The following TACR1 variants were observed in gnomAD, a reference collection of about 807,000 sequenced individuals.
TACR1 encodes the protein substance-P receptor.
TACR1 carries 25 observed loss-of-function variants against 35.8 expected under a neutral mutation model. That is an observed-to-expected ratio of 0.70 (90% CI 0.51 to 0.98). The LOEUF (loss-of-function observed/expected upper bound fraction) is 0.98. TACR1 is among the 50% of genes least tolerant of loss of function. TACR1 has a pLI of 0.00. For synonymous variants in TACR1, 195 were observed against 206.7 expected, an observed-to-expected ratio of 0.94 and a Z score of 0.48; for missense variants, 478 against 522.9, an observed-to-expected ratio of 0.91 and a Z score of 0.84.
At chr2:75,186,587 G>T (rs1180730927) in intron 1 of TACR1, among the ~76,000 whole-genome samples, 1 of 151,214 alleles carries the variant, frequency 6.6e-6, no homozygotes, top group African/African-American at 2.4e-5. Context: ...AAACTAAAAT[G>T]TGATCAGAAA....
At chr2:75,180,141 C>A (rs78200736) in intron 1 of TACR1, among the ~76,000 whole-genome samples, 1 of 152,148 alleles carries the variant, frequency 6.6e-6, no homozygotes, top group Non-Finnish European at 1.5e-5. Context: ...TTCAGAAAAG[C>A]CTTCTGTAAT....
chr2:75,056,638 T>C (rs1199718989), intron 2 of TACR1, among the ~76,000 whole-genome samples: 1 of 152,116 alleles, frequency 6.6e-6, no homozygotes, highest in African/African-American at 2.4e-5. Flanking sequence ...ACACCATACC[T>C]GAATACAAAA....
intron 1 of TACR1, among the ~76,000 whole-genome samples, chr2:75,140,132 TCCATTAG>T (rs1323078669): frequency 1.3e-5 from 2 of 152,188 alleles, no homozygotes; most frequent in African/African-American, 4.8e-5. Context: ...CTCACATTCA[TCCATTAG>T]CCTTTGGAAG....
intron 2 of TACR1, among the ~76,000 whole-genome samples, chr2:75,058,068 T>C (rs897350899): frequency 6.6e-6 from 1 of 152,164 alleles, no homozygotes; most frequent in African/African-American, 2.4e-5. Flanking sequence ...TTGGATGAGA[T>C]AAAAGGTTAA....
intron 2 of TACR1, among the ~76,000 whole-genome samples, chr2:75,062,128 A>G (rs1435518942): frequency 1.3e-5 from 2 of 152,152 alleles, no homozygotes; most frequent in Non-Finnish European, 1.5e-5. Context: ...CCCTGTTGAC[A>G]GCGTCCTCCT....
chr2:75,098,993 G>A (rs1213247009), intron 2 of TACR1, among the ~76,000 whole-genome samples: 3 of 149,300 alleles, frequency 2.0e-5, no homozygotes, highest in South Asian at 2.1e-4. Flanking sequence ...CTGCTCCTCC[G>A]TGCCACTTCC....
chr2:75,080,426 T>G (rs1673062751), intron 2 of TACR1, among the ~76,000 whole-genome samples: 1 of 152,230 alleles, frequency 6.6e-6, no homozygotes, highest in South Asian at 2.1e-4. Flanking sequence ...GCTATTTATC[T>G]GGATTTTTTA....
intron 1 of TACR1, among the ~76,000 whole-genome samples, chr2:75,146,376 GC>G (rs1304478967): frequency 1.3e-5 from 2 of 152,126 alleles, no homozygotes; most frequent in Non-Finnish European, 2.9e-5. Context: ...GCCAGCCTTG[GC>G]CCCCCAAAGT....
intron 1 of TACR1, among the ~76,000 whole-genome samples, chr2:75,184,084 G>C (rs1447904040): frequency 1.3e-5 from 2 of 152,080 alleles, no homozygotes; most frequent in African/African-American, 4.8e-5. Flanking sequence ...TTATAGCAAG[G>C]ATGCAAAAAC....
At chr2:75,083,211 G>A (rs1000198299) in intron 2 of TACR1, among the ~76,000 whole-genome samples, 3 of 152,142 alleles carry the variant, frequency 2.0e-5, no homozygotes, top group African/African-American at 7.2e-5. Context: ...GTTTTTGTCA[G>A]GTTTGTCAAA....
chr2:75,133,809 C>T (rs1424091330), intron 1 of TACR1, among the ~76,000 whole-genome samples: 1 of 152,098 alleles, frequency 6.6e-6, no homozygotes, highest in Non-Finnish European at 1.5e-5. Context: ...GGCTGCATTC[C>T]CAGACGGTTA....
intron 2 of TACR1, among the ~76,000 whole-genome samples, chr2:75,099,964 T>C (rs1417629898): frequency 6.6e-6 from 1 of 152,206 alleles, no homozygotes; most frequent in African/African-American, 2.4e-5. Flanking sequence ...TCTTCCAGCA[T>C]TTATTCCCCA....
Position 75,051,243 on chromosome 2 carries a change from A to T in TACR1, c.932+8T>A. 6.2e-7 allele frequency: 1 copy of T among 1,614,090 alleles called. No homozygotes were observed. The highest frequency in any genetic ancestry group is 8.5e-7 in the Non-Finnish European group (1 of 1,180,002). ...CCCCTGGAGAGCTCATGGGGTTGGG[A>T]TCCTCACCTGTCATTGAGGCAGCAG... On this transcript the variant is annotated splice_region_variant and intron_variant, in intron 4 of 4. Coordinates refer to ENST00000305249, the MANE Select transcript of TACR1 (RefSeq NM_001058.4).
intron 1 of TACR1, among the ~76,000 whole-genome samples, chr2:75,178,833 ATTCC>A (rs1675491770): frequency 6.6e-6 from 1 of 152,154 alleles, no homozygotes; most frequent in Non-Finnish European, 1.5e-5. Flanking sequence ...ACTGGCTATT[ATTCC>A]TTGTTGGTCA....
intron 1 of TACR1, among the ~76,000 whole-genome samples, chr2:75,183,932 T>C (rs1336523134): frequency 1.3e-5 from 2 of 152,230 alleles, no homozygotes; most frequent in African/African-American, 2.4e-5. Context: ...TTTAGGAAAC[T>C]GGTTGGAAGA....
intron 2 of TACR1, among the ~76,000 whole-genome samples, chr2:75,069,336 A>G (rs1199613456): frequency 1.3e-5 from 2 of 151,194 alleles, no homozygotes; most frequent in African/African-American, 2.4e-5. Context: ...CTATATATGT[A>G]TATATTTATT....
chr2:75,165,661 G>T (rs560528352), intron 1 of TACR1, among the ~76,000 whole-genome samples: 1 of 152,168 alleles, frequency 6.6e-6, no homozygotes, highest in South Asian at 2.1e-4. Flanking sequence ...GTCTGGGAGG[G>T]GCCTTTGACT....
chr2:75,084,312 T>C (rs1339085940), intron 2 of TACR1, among the ~76,000 whole-genome samples: 1 of 152,228 alleles, frequency 6.6e-6, no homozygotes, highest in Non-Finnish European at 1.5e-5. Context: ...TTTGATGTGC[T>C]GCTGGATTCG....
At chr2:75,161,731 T>C (rs1307572657) in intron 1 of TACR1, among the ~76,000 whole-genome samples, 3 of 152,112 alleles carry the variant, frequency 2.0e-5, no homozygotes, top group African/African-American at 4.8e-5. Context: ...GAAACATTAA[T>C]GGTTAAAACA....
Sources: gnomAD v4.1 joint callset for allele counts (sites outside exome capture counted in the v4.1 genomes callset) on GRCh38, gnomAD v4.1.1 for gene constraint, MANE v1.5 for transcripts, NCBI Gene and HGNC (gene_info 2026-07-23, HGNC 2026-07-21) for gene names.